PPM1B: variants seen among roughly 807,000 people sequenced by gnomAD.
PPM1B encodes protein phosphatase 1B.
A neutral mutation model predicts 43.0 loss-of-function variants in PPM1B; 22 were observed. The ratio of observed to expected loss-of-function variants is 0.51; its 90% CI spans 0.37 to 0.73. The LOEUF (loss-of-function observed/expected upper bound fraction) is 0.73. Among genes scored for constraint, PPM1B ranks in the 30% least tolerant of loss-of-function variants. PPM1B has a pLI of 0.00. For missense variants in PPM1B, 632 were observed against 584.2 expected, an observed-to-expected ratio of 1.08 and a Z score of -0.84; for synonymous variants, 217 against 197.9, an observed-to-expected ratio of 1.10 and a Z score of -0.81.
Position 44,241,647 on chromosome 2 carries a change from G to A in PPM1B, n.1547-2581G>A, listed in dbSNP as rs1044596490. Among the ~76,000 whole-genome samples, 11 of 113,258 alleles carry A rather than the reference G, an allele frequency of 9.7e-5. 2 individuals are homozygous for A. The highest frequency in any genetic ancestry group is 1.7e-4 in the Non-Finnish European group (8 of 47,470). The allele number at this position is 113,258 out of a possible 152,430, so 74.3% of individuals were successfully genotyped here. On this transcript the variant is annotated intron_variant and non_coding_transcript_variant, in intron 5 of 5. Coordinates refer to the PPM1B transcript ENST00000378540. ...CCTGGGAGGCTGAGGCAGGAGAATC[G>A]CTTGAATCCAGGAGGCAGAGGCTTC...
chr2:44,197,087 C>A (rs1668695512), intron 1 of PPM1B, among the ~76,000 whole-genome samples: 2 of 152,070 alleles, frequency 1.3e-5, no homozygotes, highest in South Asian at 4.1e-4. Flanking sequence ...CAGAGTCTTC[C>A]CCATCTACCC....
Position 44,168,955 on chromosome 2 carries a change from G to A in PPM1B, c.-334G>A, listed in dbSNP as rs1029449980. ...CGGCCTCGTTCCCCTAGCAGTTGCG[G>A]GGGAGTTTCCTGCCGGCGCGGCTGG... On this transcript the variant is annotated 5_prime_UTR_variant, in exon 1 of 6. Transcript: ENST00000282412. The A allele has an allele frequency of 1.9e-5, 3 of 154,116 alleles. No individual in the cohort carries two copies. The highest frequency in any genetic ancestry group is 6.5e-5 in the Admixed American group (1 of 15,306). 9.5% of individuals were successfully genotyped at this position (154,116 alleles called of 1,614,324 possible). A position where few individuals can be genotyped will look rare whatever the true frequency, so the allele number is the denominator to read the frequency against.
intron 1 of PPM1B, among the ~76,000 whole-genome samples, chr2:44,173,664 C>T (rs894822251): frequency 3.9e-5 from 6 of 152,270 alleles, no homozygotes; most frequent in African/African-American, 1.2e-4. Context: ...TCTTCATGGC[C>T]GGGCACAGTG....
At chr2:44,232,794 G>C (rs979224813), downstream of PPM1B, 1 of 984,538 alleles carries the variant, frequency 1.0e-6, no homozygotes, top group Admixed American at 6.1e-5. Flanking sequence ...GAAGCCTTTT[G>C]CAGCTCTGTG....
At chr2:44,187,231 C>T (rs761747580) in intron 1 of PPM1B, among the ~76,000 whole-genome samples, 6 of 152,048 alleles carry the variant, frequency 3.9e-5, no homozygotes, top group Non-Finnish European at 5.9e-5. Flanking sequence ...TAGCATGTGA[C>T]GGTATTTGCT....
downstream of PPM1B, among the ~76,000 whole-genome samples, chr2:44,231,952 G>A (rs892570821): frequency 6.6e-6 from 1 of 152,040 alleles, no homozygotes; most frequent in African/African-American, 2.4e-5. Flanking sequence ...TCGTCTTTAC[G>A]TTTATATTTA....
At chr2:44,246,109 C>CT (rs965199652), downstream of PPM1B, among the ~76,000 whole-genome samples, 1 of 152,166 alleles carries the variant, frequency 6.6e-6, no homozygotes. Context: ...ATCCAGGACC[C>CT]TTTTCTCCCA....
chr2:44,201,019 T>C lies in PPM1B; in HGVS notation c.-14-167T>C, dbSNP rs867293122. Among the ~76,000 whole-genome samples, 13 of 152,272 alleles carry C rather than the reference T, an allele frequency of 8.5e-5. No individual in the cohort carries two copies. Among genetic ancestry groups the C allele is most frequent in the Middle Eastern group, 3.4e-3 (1 of 294 alleles). ...CGCTAGGGCTGAGAAACCACTGTTC[T>C]GTAGGATGTAGGGGAGGAAATTTCT... On this transcript the variant is annotated intron_variant, in intron 1 of 5. Transcript: ENST00000282412. The surrounding 1 kb of genome is among the most constrained non-coding windows in gnomAD (Gnocchi z 5.4).
At chr2:44,240,514 T>C (rs868310544) in intron 5 of PPM1B, among the ~76,000 whole-genome samples, 1 of 146,208 alleles carries the variant, frequency 6.8e-6, no homozygotes, top group African/African-American at 2.4e-5. Flanking sequence ...AAAATGTTTA[T>C]ATTATGTTCG....
At chr2:44,219,208 T>A (rs1396081495) in intron 5 of PPM1B, 1 of 152,028 alleles carries the variant, frequency 6.6e-6, no homozygotes, top group Non-Finnish European at 1.5e-5. Flanking sequence ...CTTTTTTTTT[T>A]TTTAAATCCA....
At chr2:44,223,926 G>A (rs761390732) in intron 5 of PPM1B, among the ~76,000 whole-genome samples, 1 of 150,094 alleles carries the variant, frequency 6.7e-6, no homozygotes, top group Admixed American at 6.7e-5. Flanking sequence ...TTGCTATGTG[G>A]TCTTGACCAT....
At chr2:44,236,478 G>C (rs1351599330), downstream of PPM1B, among the ~76,000 whole-genome samples, 1 of 149,138 alleles carries the variant, frequency 6.7e-6, no homozygotes, top group Non-Finnish European at 1.5e-5. Context: ...TGTCTTGCTA[G>C]TTGTGATTCT....
rs1043119682 is a variant in PPM1B, at chr2:44,240,993, C to T, written n.1547-3235C>T. On this transcript the variant is annotated intron_variant and non_coding_transcript_variant, in intron 5 of 5. Transcript: ENST00000378540. Reference sequence around the variant, plus strand: ...TTTTAATTTCTTTGAAATTGGGAAGCATCTTTATTTTTATTTTTTTTTTTT... The same window carrying T: ...TTTTAATTTCTTTGAAATTGGGAAGTATCTTTATTTTTATTTTTTTTTTTT... 3.7e-5 allele frequency among the ~76,000 whole-genome samples: 5 copies of T among 135,428 alleles called. 1 individual carries two copies. The highest frequency in any genetic ancestry group is 1.4e-4 in the African/African-American group (5 of 35,990). The allele number at this position is 135,428 out of a possible 152,430, so 88.8% of individuals were successfully genotyped here. A position where few individuals can be genotyped will look rare whatever the true frequency, so the allele number is the denominator to read the frequency against.
intron 2 of PPM1B, among the ~76,000 whole-genome samples, chr2:44,206,774 C>A (rs997876622): frequency 6.6e-6 from 1 of 152,142 alleles, no homozygotes; most frequent in Admixed American, 6.6e-5. Context: ...GTTGCCCGGG[C>A]TAGTCTCAAA....
chr2:44,243,203 C>T (rs2104297323), intron 5 of PPM1B, among the ~76,000 whole-genome samples: 1 of 152,312 alleles, frequency 6.6e-6, no homozygotes, highest in Admixed American at 6.5e-5. Context: ...CTAAGATGCT[C>T]AGAGCTGAAG....
At chr2:44,209,394 A>C in intron 3 of PPM1B, 67 bp downstream of exon 3, 2 of 1,533,480 alleles carry the variant, frequency 1.3e-6, no homozygotes, top group Non-Finnish European at 8.8e-7. Flanking sequence ...TAATCCTAGC[A>C]CTTTTGTCGC....
intron 5 of PPM1B, among the ~76,000 whole-genome samples, chr2:44,219,461 C>T (rs1669874335): frequency 6.6e-6 from 1 of 151,916 alleles, no homozygotes. Flanking sequence ...CATTGTTGCA[C>T]AGCAATATAA....
At chr2:44,185,187 C>A (rs1029218128) in intron 1 of PPM1B, among the ~76,000 whole-genome samples, 5 of 151,998 alleles carry the variant, frequency 3.3e-5, no homozygotes, top group Non-Finnish European at 7.4e-5. Flanking sequence ...TTTCTTTCAG[C>A]ATTGTTAATG....
intron 3 of PPM1B, among the ~76,000 whole-genome samples, chr2:44,209,876 A>G (rs565075295): frequency 2.4e-4 from 36 of 152,292 alleles, no homozygotes; most frequent in Admixed American, 3.9e-4. Flanking sequence ...TCTTGGACCA[A>G]TTTCTGGGGA....
Sources: allele counts gnomAD v4.1 joint callset (sites outside exome capture counted in the v4.1 genomes callset), GRCh38; gene constraint gnomAD v4.1.1; non-coding constraint Gnocchi (gnomAD v3.1); transcripts MANE v1.5; gene names NCBI Gene and HGNC (gene_info 2026-07-23, HGNC 2026-07-21).